The following PTPN1 variants were observed in gnomAD, a reference collection of about 807,000 sequenced individuals.
The protein encoded by PTPN1 is protein tyrosine phosphatase non-receptor type 1.
PTPN1 carries 12 observed loss-of-function variants against 59.9 expected under a neutral mutation model. The ratio of observed to expected loss-of-function variants is 0.20; its 90% confidence interval spans 0.13 to 0.32. PTPN1 has a LOEUF of 0.32. Ranked by LOEUF, PTPN1 falls within the 10% of genes least tolerant of loss-of-function variation. The pLI is 1.00. For missense variants in PTPN1, 356 were observed against 549.2 expected (o/e 0.65, Z 3.52); for synonymous variants, 178 against 203.6 (o/e 0.87, Z 1.07).
At chr20:50,519,750 G>A (rs1198588428) in intron 1 of PTPN1, among the ~76,000 whole-genome samples, 1 of 152,188 alleles carries the variant, frequency 6.6e-6, no homozygotes, top group East Asian at 1.9e-4. Flanking sequence ...TTATGTGCCA[G>A]GGTCCATGTT....
At chr20:50,580,227 C>G (rs573277425) in intron 8 of PTPN1, among the ~76,000 whole-genome samples, 1 of 152,124 alleles carries the variant, frequency 6.6e-6, no homozygotes, top group East Asian at 1.9e-4. Context: ...CCCCCCCTGA[C>G]GACAGCGCCC....
intron 1 of PTPN1, among the ~76,000 whole-genome samples, chr20:50,541,218 A>G (rs1427978558): frequency 1.3e-5 from 2 of 152,226 alleles, no homozygotes; most frequent in Non-Finnish European, 2.9e-5. Flanking sequence ...GGGAGAGAAC[A>G]GAGAAAGTTC....
chr20:50,542,808 T>C (rs2082658407), intron 1 of PTPN1, among the ~76,000 whole-genome samples: 1 of 152,238 alleles, frequency 6.6e-6, no homozygotes, highest in Non-Finnish European at 1.5e-5. Flanking sequence ...TTCCATTGTA[T>C]AGACAATTTA....
At chr20:50,522,882 T>G (rs1000180234) in intron 1 of PTPN1, among the ~76,000 whole-genome samples, 1 of 151,862 alleles carries the variant, frequency 6.6e-6, no homozygotes, top group Non-Finnish European at 1.5e-5. Context: ...GCCTCCCGAG[T>G]AGCTGGGATT....
chr20:50,543,193 T>G lies in PTPN1; in HGVS notation c.64-18170T>G, dbSNP rs113308155. Among the ~76,000 whole-genome samples, 492 of 152,368 alleles carry G rather than the reference T, an allele frequency of 3.2e-3. 6 individuals carry two copies. The highest frequency in any genetic ancestry group is 9.3e-3 in the African/African-American group (386 of 41,588). ...ATTTTCTTGTATTTTACTGCAAGTT[T>G]ATACACAACATAAATATGGGGGAAG... is the stretch of plus-strand genomic sequence containing the variant. On this transcript the variant is annotated intron_variant, in intron 1 of 9. Transcript: ENST00000371621.
chr20:50,527,166 A>G (rs1435358548), intron 1 of PTPN1, among the ~76,000 whole-genome samples: 1 of 152,146 alleles, frequency 6.6e-6, no homozygotes, highest in Non-Finnish European at 1.5e-5. Flanking sequence ...TATGTATGCC[A>G]GTTCAACGTT....
In PTPN1 at chr20:50,516,713, C is replaced by T. The variant is rs572588321; in HGVS notation, c.63+6123C>T. 5.9e-5 allele frequency among the ~76,000 whole-genome samples: 9 copies of T among 152,100 alleles called. No individual in the cohort carries two copies. In the South Asian group the frequency reaches 1.0e-3, roughly 18 times the overall value. ...GGAAAATGAGTAGCCCTGACACGTA[C>T]GCTATGCTTTTGCAGTTTTTCTCTC... On this transcript the variant is annotated intron_variant, in intron 1 of 9. Transcript: ENST00000371621.
intron 3 of PTPN1, among the ~76,000 whole-genome samples, chr20:50,566,179 G>T (rs1264469115): frequency 1.3e-5 from 2 of 152,164 alleles, no homozygotes; most frequent in African/African-American, 4.8e-5. Flanking sequence ...GGAGGCTGAT[G>T]GGGGAGGGGG....
intron 2 of PTPN1, among the ~76,000 whole-genome samples, chr20:50,563,276 G>A (rs1368344657): frequency 6.6e-6 from 1 of 152,080 alleles, no homozygotes; most frequent in Admixed American, 6.5e-5. Context: ...GAAGGTTATG[G>A]GGGAGAATGA....
Position 50,582,660 on chromosome 20 carries a change from G to A in PTPN1, c.1285-32G>A. The A allele has an allele frequency of 6.2e-7, 1 of 1,612,330 alleles. No homozygotes were observed. Among genetic ancestry groups the A allele is most frequent in the Non-Finnish European group, 8.5e-7 (1 of 1,179,280 alleles). ...GCGACAGCTCTGCAGGTGCGGGTCTGGGCTCATCTGAACTGTTTGGTTTCA... is the reference window on the plus strand; with the variant it reads ...GCGACAGCTCTGCAGGTGCGGGTCTAGGCTCATCTGAACTGTTTGGTTTCA... On this transcript the variant is annotated intron_variant, in intron 9 of 9. Transcript: ENST00000371621. The surrounding 1 kb of genome is among the most constrained non-coding windows in gnomAD (Gnocchi z 4.2).
At chr20:50,527,564 G>A (rs552260198) in intron 1 of PTPN1, among the ~76,000 whole-genome samples, 1 of 151,980 alleles carries the variant, frequency 6.6e-6, no homozygotes, top group South Asian at 2.1e-4. Flanking sequence ...AGGCTTGTTG[G>A]CATGTTGACC....
chr20:50,543,405 T>C (rs1433978092), intron 1 of PTPN1, among the ~76,000 whole-genome samples: 1 of 152,234 alleles, frequency 6.6e-6, no homozygotes, highest in African/African-American at 2.4e-5. Context: ...ACCTGCATCA[T>C]CTTCTTAAAA....
chr20:50,575,214 G>A (rs2082829979), intron 5 of PTPN1, among the ~76,000 whole-genome samples: 1 of 152,222 alleles, frequency 6.6e-6, no homozygotes, highest in African/African-American at 2.4e-5. Flanking sequence ...TGGGGCTTTG[G>A]AATAATTCCC....
chr20:50,519,025 T>C (rs909517304), intron 1 of PTPN1, among the ~76,000 whole-genome samples: 8 of 152,224 alleles, frequency 5.3e-5, no homozygotes, highest in South Asian at 2.1e-4. Flanking sequence ...CATGTCTTAC[T>C]GACAGTTTTT....
chr20:50,543,318 T>C (rs2082660616), intron 1 of PTPN1, among the ~76,000 whole-genome samples: 1 of 152,242 alleles, frequency 6.6e-6, no homozygotes, highest in Non-Finnish European at 1.5e-5. Flanking sequence ...TTGTAGGTTT[T>C]AAAAATTCCG....
chr20:50,537,233 G>A (rs2082627921), intron 1 of PTPN1, among the ~76,000 whole-genome samples: 3 of 152,196 alleles, frequency 2.0e-5, no homozygotes, highest in African/African-American at 7.2e-5. Flanking sequence ...TGAGGCAGGA[G>A]AATCGTTTGA....
intron 1 of PTPN1, among the ~76,000 whole-genome samples, chr20:50,539,678 A>G (rs1258772278): frequency 7.9e-6 from 1 of 126,976 alleles, no homozygotes; most frequent in African/African-American, 3.1e-5. Flanking sequence ...TTAAACAGAC[A>G]GGATCTCACC....
At chr20:50,523,643 A>G (rs2082560921) in intron 1 of PTPN1, among the ~76,000 whole-genome samples, 1 of 152,180 alleles carries the variant, frequency 6.6e-6, no homozygotes, top group Non-Finnish European at 1.5e-5. Flanking sequence ...TGTGGTGAGG[A>G]AGACAAACTT....
intron 2 of PTPN1, among the ~76,000 whole-genome samples, chr20:50,564,518 C>T (rs955985072): frequency 7.9e-5 from 12 of 152,014 alleles, no homozygotes; most frequent in African/African-American, 2.7e-4. Flanking sequence ...CATTTGAATC[C>T]GGGAGATGGA....
Sources: gnomAD v4.1 joint callset for allele counts (sites outside exome capture counted in the v4.1 genomes callset) on GRCh38, gnomAD v4.1.1 for gene constraint, Gnocchi (gnomAD v3.1) non-coding constraint, MANE v1.5 for transcripts, NCBI Gene and HGNC (gene_info 2026-07-23, HGNC 2026-07-21) for gene names.